Variants in DAB1 observed in about 807,000 individuals in gnomAD.
The protein encoded by DAB1 is disabled homolog 1.
A neutral mutation model predicts 64.6 loss-of-function variants in DAB1; 15 were observed. The observed-to-expected ratio is 0.23, with a 90% CI of 0.16 to 0.36. DAB1 has a LOEUF of 0.36. Among genes scored for constraint, DAB1 ranks in the 10% least tolerant of loss-of-function variants. The pLI, the probability that DAB1 is intolerant of heterozygous loss-of-function variation, is 1.00. For synonymous variants in DAB1, 235 were observed against 251.9 expected, an observed-to-expected ratio of 0.93 and a Z score of 0.64; for missense variants, 596 against 706.7, an observed-to-expected ratio of 0.84 and a Z score of 1.78.
At chr1:58,184,593 CTAAA>C (rs1188802153) in intron 4 of DAB1, among the ~76,000 whole-genome samples, 1 of 152,106 alleles carries the variant, frequency 6.6e-6, no homozygotes, top group Non-Finnish European at 1.5e-5. Flanking sequence ...GTAGAATCAG[CTAAA>C]ATAGTGTTCT....
At position 57,331,497 on chromosome 1, in the gene DAB1, T is replaced by C. The variant is rs1182436306; in HGVS notation, c.-136-40331A>G. On this transcript the variant is annotated intron_variant, in intron 1 of 14. Transcript: ENST00000371236. ...TGGGTTGAAACACATGGCTTCACCA[T>C]TTACAAGTTGTGTGAGTGGAAAAAA... Among the ~76,000 whole-genome samples, 3 of 152,300 alleles carry C rather than the reference T, an allele frequency of 2.0e-5. No individual in the cohort carries two copies. In the East Asian group the frequency reaches 5.8e-4, roughly 29 times the overall value.
intron 2 of DAB1, among the ~76,000 whole-genome samples, chr1:58,507,151 GATT>G (rs1467889415): frequency 7.3e-5 from 11 of 150,884 alleles, no homozygotes; most frequent in African/African-American, 2.5e-4. Context: ...CCATAAGGTG[GATT>G]ATTAACAAAT....
At chr1:58,056,840 A>T (rs1174424854) in intron 5 of DAB1, among the ~76,000 whole-genome samples, 3 of 151,924 alleles carry the variant, frequency 2.0e-5, no homozygotes, top group African/African-American at 7.3e-5. Context: ...ACCAAAAGTC[A>T]CTGCTCTGCT....
chr1:57,639,516 T>C (rs750670652), intron 7 of DAB1, among the ~76,000 whole-genome samples: 33 of 152,114 alleles, frequency 2.2e-4, no homozygotes, highest in Non-Finnish European at 4.3e-4. Context: ...ATATTTGTAA[T>C]TGAGCAGGAT....
Position 58,414,204 on chromosome 1 carries a change from T to C in DAB1, n.258-70801A>G, listed in dbSNP as rs145351802. Among the ~76,000 whole-genome samples the C allele has an allele frequency of 4.0e-3, 609 of 152,298 alleles. 5 individuals are homozygous for C. Among genetic ancestry groups the C allele is most frequent in the African/African-American group, 0.014 (565 of 41,540 alleles). On this transcript the variant is annotated intron_variant and non_coding_transcript_variant, in intron 3 of 20. Transcript: ENST00000485760. ...ACTGTTATTGCATTCCCCATCTTGATGAAAAGTGTCATCATCCACTCAATG... is the reference window on the plus strand; with the variant it reads ...ACTGTTATTGCATTCCCCATCTTGACGAAAAGTGTCATCATCCACTCAATG...
At chr1:58,120,932 G>A (rs548933850) in intron 5 of DAB1, among the ~76,000 whole-genome samples, 1 of 152,140 alleles carries the variant, frequency 6.6e-6, no homozygotes, top group Non-Finnish European at 1.5e-5. Flanking sequence ...ATGACCGGAT[G>A]AAAAGGACAG....
chr1:57,901,824 T>C (rs1314552759), intron 5 of DAB1, among the ~76,000 whole-genome samples: 1 of 152,106 alleles, frequency 6.6e-6, no homozygotes, highest in Non-Finnish European at 1.5e-5. Context: ...CCATTCCTTC[T>C]CACAGCCAAC....
chr1:57,033,109 T>C (rs1647016332), intron 9 of DAB1, among the ~76,000 whole-genome samples: 1 of 152,042 alleles, frequency 6.6e-6, no homozygotes. Context: ...TGTTAGAGGT[T>C]TGAAAAATAT....
At chr1:57,500,429 C>T (rs1157828197) in intron 7 of DAB1, among the ~76,000 whole-genome samples, 1 of 152,180 alleles carries the variant, frequency 6.6e-6, no homozygotes, top group Non-Finnish European at 1.5e-5. Context: ...AGAAATTCAT[C>T]CCAAGAGTTC....
chr1:57,490,170 C>T (rs190074050), intron 7 of DAB1, among the ~76,000 whole-genome samples: 33 of 152,274 alleles, frequency 2.2e-4, no homozygotes, highest in African/African-American at 7.9e-4. Context: ...ATTTCTGTTG[C>T]TAATAAGCCA....
At chr1:57,980,303 C>G (rs1646033053) in intron 5 of DAB1, among the ~76,000 whole-genome samples, 1 of 152,084 alleles carries the variant, frequency 6.6e-6, no homozygotes, top group African/African-American at 2.4e-5. Context: ...ATGGAATGCT[C>G]TTTTATTACC....
intron 4 of DAB1, among the ~76,000 whole-genome samples, chr1:58,199,002 G>A (rs755637077): frequency 6.6e-6 from 1 of 152,196 alleles, no homozygotes; most frequent in Non-Finnish European, 1.5e-5. Context: ...AGCTACTGGG[G>A]AGGCTGACGC....
At position 58,168,918 on chromosome 1, in the gene DAB1, G is replaced by A. The variant is rs866335513; in HGVS notation, n.310-18330C>T. On this transcript the variant is annotated intron_variant and non_coding_transcript_variant, in intron 4 of 20. Coordinates refer to the DAB1 transcript ENST00000485760. ...TGCATCAATAAGGGCCACTAAATCC[G>A]ATTTTTCTCGGTCCTCTTTGTGGTC... Among the ~76,000 whole-genome samples, 7 of 152,138 alleles carry A rather than the reference G, an allele frequency of 4.6e-5. 1 individual carries two copies. Among genetic ancestry groups the A allele is most frequent in the Admixed American group, 3.3e-4 (5 of 15,282 alleles).
At chr1:57,223,955 TG>T (rs1342921048) in intron 2 of DAB1, among the ~76,000 whole-genome samples, 1 of 152,172 alleles carries the variant, frequency 6.6e-6, no homozygotes, top group African/African-American at 2.4e-5. Flanking sequence ...GTTCAATTCC[TG>T]GGTCCAGCCC....
intron 5 of DAB1, among the ~76,000 whole-genome samples, chr1:57,982,621 G>A (rs956839318): frequency 6.6e-6 from 1 of 152,152 alleles, no homozygotes; most frequent in Non-Finnish European, 1.5e-5. Flanking sequence ...AAGAAACCCT[G>A]CTACACATGA....
chr1:58,021,753 G>C (rs1646818397), intron 5 of DAB1, among the ~76,000 whole-genome samples: 1 of 152,170 alleles, frequency 6.6e-6, no homozygotes, highest in Non-Finnish European at 1.5e-5. Context: ...TGGTATAGGG[G>C]AAAGATTAGA....
rs534628674 is a variant in DAB1 at position 57,770,608 on chromosome 1, G to A, written n.551+113391C>T. 3.3e-5 allele frequency among the ~76,000 whole-genome samples: 5 copies of A among 152,088 alleles called. No individual in the cohort carries two copies. The East Asian group carries it at 9.7e-4, about 29-fold the overall frequency. ...TTCTAATATAATGAGTTACTGTTGA[G>A]GAATATCATGCTCCATTTAATTAAG... On this transcript the variant is annotated intron_variant and non_coding_transcript_variant, in intron 6 of 20. Coordinates refer to the DAB1 transcript ENST00000485760.
intron 4 of DAB1, among the ~76,000 whole-genome samples, chr1:58,284,531 G>T (rs1472978210): frequency 1.3e-5 from 2 of 152,272 alleles, no homozygotes; most frequent in Non-Finnish European, 2.9e-5. Context: ...GCATAAAGCT[G>T]TCAGCCTTAC....
At chr1:58,170,855 C>T (rs1346658809) in intron 4 of DAB1, among the ~76,000 whole-genome samples, 15 of 152,166 alleles carry the variant, frequency 9.9e-5, no homozygotes, top group Admixed American at 9.2e-4. Context: ...GGGGCAAGTG[C>T]CAGCTCATGT....
Sources: allele counts gnomAD v4.1 joint callset (sites outside exome capture counted in the v4.1 genomes callset), GRCh38; gene constraint gnomAD v4.1.1; transcripts MANE v1.5; gene names NCBI Gene and HGNC (gene_info 2026-07-23, HGNC 2026-07-21).